ZNF385B: variants seen among roughly 807,000 people sequenced by gnomAD.
The protein encoded by ZNF385B is zinc finger protein 533.
ZNF385B carries 23 observed loss-of-function variants against 39.2 expected under a neutral mutation model. That is an observed-to-expected ratio of 0.59 (90% CI 0.42 to 0.83). The LOEUF is 0.83. Among genes scored for constraint, ZNF385B ranks in the 40% least tolerant of loss-of-function variants. ZNF385B has a pLI of 0.00. For synonymous variants in ZNF385B, 205 were observed against 222.6 expected (o/e 0.92, Z 0.70); for missense variants, 552 against 598.9 (o/e 0.92, Z 0.82).
At position 179,813,637 on chromosome 2, in the gene ZNF385B, T is replaced by A. The variant is rs578221620; in HGVS notation, c.-154-42965A>T. ...TGACATCCACCCTATAGTAGTCAAA[T>A]AAATATGTTTAAAAAATTAGATAAC... On this transcript the variant is annotated intron_variant, in intron 1 of 9. Coordinates refer to ENST00000410066, the MANE Select transcript of ZNF385B (RefSeq NM_152520.6). Among the ~76,000 whole-genome samples, 24 of 152,300 alleles carry A rather than the reference T, an allele frequency of 1.6e-4. No individual in the cohort carries two copies. In the South Asian group the frequency reaches 4.8e-3, roughly 30 times the overall value.
intron 1 of ZNF385B, among the ~76,000 whole-genome samples, chr2:179,827,614 C>T (rs1360128671): frequency 6.6e-6 from 1 of 152,064 alleles, no homozygotes; most frequent in Non-Finnish European, 1.5e-5. Flanking sequence ...CCTCACATAT[C>T]TCTTACAACC....
intron 3 of ZNF385B, among the ~76,000 whole-genome samples, chr2:179,748,214 G>T (rs1004051193): frequency 3.9e-5 from 6 of 151,966 alleles, no homozygotes; most frequent in Admixed American, 3.3e-4. Flanking sequence ...AATAATGCAC[G>T]ATGACAAAAC....
chr2:179,545,658 T>C (rs1406506914), intron 3 of ZNF385B, among the ~76,000 whole-genome samples: 1 of 152,210 alleles, frequency 6.6e-6, no homozygotes, highest in Non-Finnish European at 1.5e-5. Flanking sequence ...AACTTTTTAT[T>C]TCTAATTTGT....
chr2:179,833,071 A>G (rs947502152), intron 1 of ZNF385B, among the ~76,000 whole-genome samples: 4 of 152,154 alleles, frequency 2.6e-5, no homozygotes, highest in African/African-American at 9.7e-5. Flanking sequence ...TCCAGAGAAA[A>G]AGTGTGTGTA....
At chr2:179,723,156 C>G (rs56041631) in intron 3 of ZNF385B, among the ~76,000 whole-genome samples, 17,852 of 152,104 alleles carry the variant, frequency 0.12, 1,268 homozygotes, top group Non-Finnish European at 0.16. Flanking sequence ...GGCATTCATT[C>G]ATTCACTTAA....
intron 3 of ZNF385B, among the ~76,000 whole-genome samples, chr2:179,611,548 T>C (rs1160451974): frequency 6.6e-6 from 1 of 152,228 alleles, no homozygotes; most frequent in Non-Finnish European, 1.5e-5. Context: ...AGGGTAATAC[T>C]GGCCTCGTGG....
At chr2:179,708,077 T>C (rs1380684818) in intron 3 of ZNF385B, among the ~76,000 whole-genome samples, 1 of 152,192 alleles carries the variant, frequency 6.6e-6, no homozygotes, top group Non-Finnish European at 1.5e-5. Context: ...CACCTAAGAA[T>C]AGGCAGATTG....
chr2:179,683,313 C>A (rs1483675965), intron 3 of ZNF385B, among the ~76,000 whole-genome samples: 2 of 151,854 alleles, frequency 1.3e-5, no homozygotes, highest in African/African-American at 4.8e-5. Context: ...TCACTTGAAC[C>A]TGGGAGGTGG....
At chr2:179,651,782 G>C (rs1197445644) in intron 3 of ZNF385B, among the ~76,000 whole-genome samples, 1 of 152,112 alleles carries the variant, frequency 6.6e-6, no homozygotes, top group Non-Finnish European at 1.5e-5. Context: ...CCATCTGTAT[G>C]ATGAGCTGGT....
At chr2:179,814,628 C>T (rs892701984) in intron 1 of ZNF385B, 8 of 491,740 alleles carry the variant, frequency 1.6e-5, no homozygotes, top group South Asian at 7.5e-5. Flanking sequence ...TCAATGGTGG[C>T]GACCTGGTCT....
At chr2:179,791,874 A>G (rs1705347458) in intron 1 of ZNF385B, among the ~76,000 whole-genome samples, 1 of 152,116 alleles carries the variant, frequency 6.6e-6, no homozygotes, top group Non-Finnish European at 1.5e-5. Flanking sequence ...CTCCTGCCTT[A>G]GCCTCCCTAG....
At chr2:179,838,929 G>GGT (rs1553543324) in intron 1 of ZNF385B, among the ~76,000 whole-genome samples, 2 of 95,896 alleles carry the variant, frequency 2.1e-5, no homozygotes, top group African/African-American at 9.4e-5. Context: ...CAAAAAAAAA[G>GGT]GGGGGGGGGC....
intron 3 of ZNF385B, among the ~76,000 whole-genome samples, chr2:179,623,962 T>C (rs1690443090): frequency 6.6e-6 from 1 of 152,342 alleles, no homozygotes; most frequent in East Asian, 1.9e-4. Context: ...GGGGCTTTCA[T>C]CTGCAACCAT....
At chr2:179,662,584 C>T (rs1240420459) in intron 3 of ZNF385B, among the ~76,000 whole-genome samples, 3 of 152,030 alleles carry the variant, frequency 2.0e-5, no homozygotes, top group Non-Finnish European at 4.4e-5. Flanking sequence ...GTTTGAATAG[C>T]AGTAGGATTA....
At position 179,452,580 on chromosome 2, in the gene ZNF385B, A is replaced by T. The variant is rs537833066; in HGVS notation, c.716-5810T>A. ...TTTGAATTAGAACTTTGAAAGCTGTAATCAAATTTTTATTATTTGACTTGT... is the reference window on the plus strand; with the variant it reads ...TTTGAATTAGAACTTTGAAAGCTGTTATCAAATTTTTATTATTTGACTTGT... On this transcript the variant is annotated intron_variant, in intron 6 of 9. Transcript: ENST00000410066. Among the ~76,000 whole-genome samples, 21 of 152,256 alleles carry T rather than the reference A, an allele frequency of 1.4e-4. No individual in the cohort carries two copies. The East Asian group carries it at 4.0e-3, about 29-fold the overall frequency.
At chr2:179,814,806 T>C (rs1347639827) in intron 1 of ZNF385B, 2 of 163,598 alleles carry the variant, frequency 1.2e-5, no homozygotes, top group Non-Finnish European at 2.6e-5. Context: ...ATTTACTACA[T>C]GGCCTTAACT....
chr2:179,741,896 C>G (rs1702109593), intron 3 of ZNF385B, among the ~76,000 whole-genome samples: 1 of 151,702 alleles, frequency 6.6e-6, no homozygotes, highest in South Asian at 2.1e-4. Flanking sequence ...AAAAGGGTAA[C>G]AAATATTTAA....
chr2:179,841,732 T>C (rs1708544089), intron 1 of ZNF385B, among the ~76,000 whole-genome samples: 1 of 152,214 alleles, frequency 6.6e-6, no homozygotes, highest in South Asian at 2.1e-4. Flanking sequence ...TGAGAGCCAC[T>C]GGTTTAGGTA....
intron 3 of ZNF385B, among the ~76,000 whole-genome samples, chr2:179,696,939 C>A (rs1427215284): frequency 6.6e-6 from 1 of 152,098 alleles, no homozygotes; most frequent in Non-Finnish European, 1.5e-5. Flanking sequence ...AATGCCGAAG[C>A]TTGGCATGGT....
Sources: allele counts gnomAD v4.1 joint callset (sites outside exome capture counted in the v4.1 genomes callset), GRCh38; gene constraint gnomAD v4.1.1; transcripts MANE v1.5; gene names NCBI Gene and HGNC (gene_info 2026-07-23, HGNC 2026-07-21).